Variants in PIGU observed in about 807,000 individuals in gnomAD.
PIGU encodes GPI-anchor transamidase component PIGU.
PIGU carries 24 observed loss-of-function variants against 49.9 expected under a neutral mutation model. The observed-to-expected ratio is 0.48, with a 90% CI of 0.35 to 0.68. The LOEUF is 0.68. Among genes scored for constraint, PIGU ranks in the 30% least tolerant of loss-of-function variants. PIGU has a pLI of 0.01. For missense variants in PIGU, 490 were observed against 532.6 expected (o/e 0.92, Z 0.79); for synonymous variants, 220 against 205.7 (o/e 1.07, Z -0.59).
At chr20:34,624,879 C>A (rs980249553) in intron 6 of PIGU, among the ~76,000 whole-genome samples, 1 of 152,068 alleles carries the variant, frequency 6.6e-6, no homozygotes, top group African/African-American at 2.4e-5. Flanking sequence ...CCCTGGGCTG[C>A]CACAAAGGAA....
chr20:34,582,210 A>AGTTCTTAAG (rs1983505906), intron 9 of PIGU, among the ~76,000 whole-genome samples: 1 of 152,226 alleles, frequency 6.6e-6, no homozygotes, highest in African/African-American at 2.4e-5. Flanking sequence ...AGAGCTTTTC[A>AGTTCTTAAG]GTTCTTAAGG....
chr20:34,569,305 C>T (rs1373601447), intron 11 of PIGU, among the ~76,000 whole-genome samples: 1 of 152,214 alleles, frequency 6.6e-6, no homozygotes, highest in African/African-American at 2.4e-5. Context: ...TCTCGGCTCA[C>T]TGCAACCTTC....
At chr20:34,615,309 C>T (rs1201231912) in intron 7 of PIGU, among the ~76,000 whole-genome samples, 1 of 152,086 alleles carries the variant, frequency 6.6e-6, no homozygotes, top group Non-Finnish European at 1.5e-5. Context: ...ATTGATCAGC[C>T]ACTATGTTCC....
chr20:34,630,356 C>A (rs1241235073), intron 6 of PIGU, among the ~76,000 whole-genome samples: 4 of 152,138 alleles, frequency 2.6e-5, no homozygotes, highest in Non-Finnish European at 5.9e-5. Flanking sequence ...AACCAGCCAC[C>A]TTCCCTGTTC....
chr20:34,589,699 T>A (rs895163326), intron 7 of PIGU, among the ~76,000 whole-genome samples: 9 of 121,920 alleles, frequency 7.4e-5, no homozygotes, highest in African/African-American at 2.5e-4. Context: ...CTCGTTGCCC[T>A]GGCTGGAGTG....
In PIGU at chr20:34,603,181, A is replaced by G. The variant is rs73260920; in HGVS notation, c.627+12861T>C. On this transcript the variant is annotated intron_variant, in intron 7 of 11. Transcript: ENST00000217446. ...GCAGCTATATCCAGAGGCTTGATCA[A>G]TTTTGGATTTTATCCTTTTGGCAAA... is the stretch of plus-strand genomic sequence containing the variant. Among the ~76,000 whole-genome samples, 273 of 152,130 alleles carry G rather than the reference A, an allele frequency of 1.8e-3. 3 individuals are homozygous for G. The highest frequency in any genetic ancestry group is 6.0e-3 in the African/African-American group (249 of 41,510).
chr20:34,573,757 T>G (rs1983109979), intron 11 of PIGU, among the ~76,000 whole-genome samples: 1 of 152,196 alleles, frequency 6.6e-6, no homozygotes, highest in African/African-American at 2.4e-5. Context: ...GGGTCAGAAG[T>G]AAGAGAGGCT....
chr20:34,585,929 A>G (rs143155696), intron 8 of PIGU, among the ~76,000 whole-genome samples: 30 of 152,338 alleles, frequency 2.0e-4, no homozygotes, highest in African/African-American at 7.0e-4. Flanking sequence ...TTTAAAACAC[A>G]GGATCTATTT....
intron 1 of PIGU, among the ~76,000 whole-genome samples, chr20:34,666,514 T>C (rs1013187566): frequency 4.6e-5 from 7 of 150,748 alleles, no homozygotes; most frequent in African/African-American, 1.5e-4. Context: ...AGCAAGCTTA[T>C]TTAATTAATT....
rs191753138 is a variant in PIGU, at chr20:34,655,577, G to C, written c.195+1603C>G. Among the ~76,000 whole-genome samples, 4 of 121,478 alleles carry C rather than the reference G, an allele frequency of 3.3e-5. 2 individuals are homozygous for C. The highest frequency in any genetic ancestry group is 1.2e-4 in the African/African-American group (4 of 33,074). The allele number at this position is 121,478 out of a possible 152,430, so 79.7% of individuals were successfully genotyped here. On this transcript the variant is annotated intron_variant, in intron 2 of 11. Transcript: ENST00000217446. ...TGGTCCCAGCTACTCCGGAGGCTGA[G>C]GCAGGAGAATGGCGTGAACCCAGGA...
At chr20:34,607,427 T>A (rs2146732841) in intron 7 of PIGU, among the ~76,000 whole-genome samples, 1 of 152,228 alleles carries the variant, frequency 6.6e-6, no homozygotes, top group East Asian at 1.9e-4. Context: ...GCAGCTTGAT[T>A]TCAGACGGAC....
At chr20:34,577,082 A>G (rs577498608) in intron 10 of PIGU, among the ~76,000 whole-genome samples, 1 of 152,326 alleles carries the variant, frequency 6.6e-6, no homozygotes, top group Non-Finnish European at 1.5e-5. Context: ...GTTATCACAC[A>G]GGAGGATTGT....
intron 7 of PIGU, among the ~76,000 whole-genome samples, chr20:34,606,449 C>T (rs1278938593): frequency 6.6e-6 from 1 of 152,022 alleles, no homozygotes; most frequent in Non-Finnish European, 1.5e-5. Flanking sequence ...TTTTTCATAA[C>T]ATTAACATTT....
At chr20:34,593,154 T>C (rs980105388) in intron 7 of PIGU, among the ~76,000 whole-genome samples, 3 of 151,958 alleles carry the variant, frequency 2.0e-5, no homozygotes, top group African/African-American at 7.3e-5. Flanking sequence ...CTGAGCAACA[T>C]GGCGAAACCC....
chr20:34,609,434 G>A (rs750821427), intron 7 of PIGU, among the ~76,000 whole-genome samples: 12 of 151,294 alleles, frequency 7.9e-5, no homozygotes, highest in Non-Finnish European at 1.0e-4. Flanking sequence ...GCGCAATCTC[G>A]GCTCACTGCA....
chr20:34,603,937 A>G (rs1357039267), intron 7 of PIGU, among the ~76,000 whole-genome samples: 1 of 151,992 alleles, frequency 6.6e-6, no homozygotes, highest in African/African-American at 2.4e-5. Flanking sequence ...TGAAGGTGAG[A>G]GAAATGAAAC....
chr20:34,596,015 G>C (rs551596884), intron 7 of PIGU, among the ~76,000 whole-genome samples: 14 of 152,184 alleles, frequency 9.2e-5, no homozygotes, highest in Non-Finnish European at 1.9e-4. Flanking sequence ...TCGGGCGATG[G>C]AGCGAGACCC....
chr20:34,652,723 A>G (rs1986578437), intron 2 of PIGU, among the ~76,000 whole-genome samples: 2 of 152,136 alleles, frequency 1.3e-5, no homozygotes, highest in Admixed American at 1.3e-4. Flanking sequence ...CCATGGGTTA[A>G]TTAAGAATAT....
At chr20:34,574,989 G>C in intron 11 of PIGU, 115 bp downstream of exon 11, 2 of 1,376,140 alleles carry the variant, frequency 1.5e-6, no homozygotes, top group Admixed American at 1.9e-5. Context: ...GGGAGTAACT[G>C]TGCCTCCTTC....
Sources: allele counts gnomAD v4.1 joint callset (sites outside exome capture counted in the v4.1 genomes callset), GRCh38; gene constraint gnomAD v4.1.1; transcripts MANE v1.5; gene names NCBI Gene and HGNC (gene_info 2026-07-23, HGNC 2026-07-21).